The following PLB1 variants were observed in gnomAD, a reference collection of about 807,000 sequenced individuals.
PLB1 encodes phospholipase B1.
A neutral mutation model predicts 227.4 loss-of-function variants in PLB1; 242 were observed. That is an observed-to-expected ratio of 1.06 (90% confidence interval 0.96 to 1.18). PLB1 has a LOEUF of 1.18. PLB1 is among the 50% of genes most tolerant of loss of function. The pLI is 0.00. For missense variants in PLB1, 1,858 were observed against 1,816.3 expected (o/e 1.02, Z -0.42); for synonymous variants, 757 against 682.2 (o/e 1.11, Z -1.71).
chr2:28,628,706 G>GC, intron 52 of PLB1, 78 bp downstream of exon 52: 7 of 1,403,062 alleles, frequency 5.0e-6, no homozygotes, highest in Non-Finnish European at 7.0e-6. Context: ...TGTTCAGTGA[G>GC]ATGCTCACGG....
chr2:28,622,339 C>T (rs1687153671), intron 49 of PLB1, among the ~76,000 whole-genome samples: 1 of 152,128 alleles, frequency 6.6e-6, no homozygotes, highest in Non-Finnish European at 1.5e-5. Flanking sequence ...GAGTCTGTTT[C>T]TTCAGCAATA....
intron 56 of PLB1, among the ~76,000 whole-genome samples, chr2:28,638,629 G>A (rs1162289004): frequency 2.6e-5 from 4 of 151,918 alleles, no homozygotes; most frequent in South Asian, 2.1e-4. Context: ...ATGGGGAAGA[G>A]GAACAAAGGA....
intron 44 of PLB1, among the ~76,000 whole-genome samples, chr2:28,615,806 A>G (rs908576265): frequency 6.6e-6 from 1 of 152,212 alleles, no homozygotes; most frequent in Non-Finnish European, 1.5e-5. Flanking sequence ...CTTCAGTCTC[A>G]TGCATCTTTG....
intron 22 of PLB1, among the ~76,000 whole-genome samples, chr2:28,578,568 T>G (rs375874375): frequency 8.5e-5 from 13 of 152,204 alleles, no homozygotes; most frequent in Admixed American, 3.3e-4. Context: ...AGATTTTGGC[T>G]GTTATTCTGG....
chr2:28,621,725 C>T (rs780388304), intron 49 of PLB1, among the ~76,000 whole-genome samples: 1 of 152,154 alleles, frequency 6.6e-6, no homozygotes, highest in Non-Finnish European at 1.5e-5. Flanking sequence ...AACGTGGGCC[C>T]CATGCTCTGT....
At chr2:28,506,538 C>A (rs1217899601) in intron 1 of PLB1, among the ~76,000 whole-genome samples, 1 of 152,168 alleles carries the variant, frequency 6.6e-6, no homozygotes, top group African/African-American at 2.4e-5. Context: ...TGCCTTTTAG[C>A]TTAAAGAGAC....
In PLB1 at chr2:28,643,213, T is replaced by A; in HGVS notation, c.*152T>A. On this transcript the variant is annotated 3_prime_UTR_variant, in exon 58 of 58. Coordinates refer to ENST00000327757, the MANE Select transcript of PLB1 (RefSeq NM_153021.5). ...ACAACTTCTTGGGGCCTGGGCTTCT[T>A]CCAGGCCTATGCTCCTGGAATGGAT... The A allele has an allele frequency of 1.6e-6, 1 of 638,708 alleles. No homozygotes were observed. Among genetic ancestry groups the A allele is most frequent in the South Asian group, 2.5e-5 (1 of 40,358 alleles). 39.6% of individuals were successfully genotyped at this position (638,708 alleles called of 1,614,324 possible).
At chr2:28,540,219 T>G in intron 11 of PLB1, 147 bp from the exon 12 acceptor site, 1 of 604,218 alleles carries the variant, frequency 1.7e-6, no homozygotes, top group Non-Finnish European at 3.0e-6. Flanking sequence ...CTTCTCAACA[T>G]TTATGTCCTC....
intron 4 of PLB1, among the ~76,000 whole-genome samples, chr2:28,524,744 C>T (rs1049047339): frequency 7.9e-5 from 12 of 152,092 alleles, no homozygotes; most frequent in Admixed American, 5.2e-4. Flanking sequence ...CACCTTCCAT[C>T]GCTCCAAGGT....
chr2:28,521,509 A>G (rs1420341535), intron 4 of PLB1, among the ~76,000 whole-genome samples: 1 of 152,120 alleles, frequency 6.6e-6, no homozygotes, highest in African/African-American at 2.4e-5. Context: ...GTATGAGGTG[A>G]TGTCTCATGG....
At chr2:28,605,689 C>T (rs1025070128) in intron 41 of PLB1, among the ~76,000 whole-genome samples, 164 bp from the exon 42 acceptor site, 17 of 152,132 alleles carry the variant, frequency 1.1e-4, no homozygotes, top group Admixed American at 5.2e-4. Flanking sequence ...TTTGTGGGAT[C>T]GCTCTGATCT....
intron 4 of PLB1, among the ~76,000 whole-genome samples, chr2:28,519,981 T>C (rs1669300264): frequency 6.6e-6 from 1 of 151,982 alleles, no homozygotes; most frequent in Admixed American, 6.6e-5. Flanking sequence ...CGGGCTGGAG[T>C]GTAATGGCGC....
At chr2:28,632,649 G>A (rs568071081) in intron 55 of PLB1, among the ~76,000 whole-genome samples, 4 of 152,132 alleles carry the variant, frequency 2.6e-5, no homozygotes, top group East Asian at 1.9e-4. Flanking sequence ...TTAGCTGGGC[G>A]TGATGGCAGG....
chr2:28,621,189 C>T (rs1377543303), intron 49 of PLB1, among the ~76,000 whole-genome samples: 2 of 152,172 alleles, frequency 1.3e-5, no homozygotes, highest in African/African-American at 4.8e-5. Flanking sequence ...CCAAGATTAT[C>T]CAGCAAGTTA....
chr2:28,587,811 G>A (rs534484403), intron 26 of PLB1, among the ~76,000 whole-genome samples: 18 of 152,328 alleles, frequency 1.2e-4, no homozygotes, highest in African/African-American at 4.3e-4. Context: ...AGGAAAGCAG[G>A]CGTTCTCTCA....
chr2:28,610,785 C>T (rs1685333970), intron 43 of PLB1, among the ~76,000 whole-genome samples: 1 of 152,164 alleles, frequency 6.6e-6, no homozygotes. Context: ...GTTGCTGACT[C>T]ACATCAGGAG....
intron 17 of PLB1, among the ~76,000 whole-genome samples, chr2:28,562,052 T>C (rs1215200200): frequency 6.6e-6 from 1 of 151,940 alleles, no homozygotes. Context: ...AGAAAGCAAG[T>C]TTTTGGTTAC....
intron 38 of PLB1, 34 bp from the exon 39 acceptor site, chr2:28,602,787 G>A (rs1325932080): frequency 1.9e-6 from 3 of 1,586,880 alleles, no homozygotes; most frequent in South Asian, 1.1e-5. Context: ...AGAAGTGCCT[G>A]GAGCCCCCCT....
At chr2:28,591,441 G>A (rs145215467) in intron 30 of PLB1, among the ~76,000 whole-genome samples, 1 of 152,314 alleles carries the variant, frequency 6.6e-6, no homozygotes, top group Non-Finnish European at 1.5e-5. Flanking sequence ...AGCAGGGGCA[G>A]GTGTGGAGTG....
Sources: allele counts gnomAD v4.1 joint callset (sites outside exome capture counted in the v4.1 genomes callset), GRCh38; gene constraint gnomAD v4.1.1; transcripts MANE v1.5; gene names NCBI Gene and HGNC (gene_info 2026-07-23, HGNC 2026-07-21).